NUP133: variants seen among roughly 807,000 people sequenced by gnomAD.
NUP133 encodes the protein nucleoporin 133, also known as nuclear pore complex protein Nup133.
A neutral mutation model predicts 146.2 loss-of-function variants in NUP133; 66 were observed. That is an observed-to-expected ratio of 0.45 (90% CI 0.37 to 0.55). The LOEUF (loss-of-function observed/expected upper bound fraction) is 0.55. Ranked by LOEUF, NUP133 falls within the 20% of genes least tolerant of loss-of-function variation. The pLI, the probability that NUP133 is intolerant of heterozygous loss-of-function variation, is 0.00. For missense variants in NUP133, 1,277 were observed against 1,374.8 expected (o/e 0.93, Z 1.12); for synonymous variants, 521 against 498.8 (o/e 1.04, Z -0.59).
chr1:229,498,371 C>T, intron 5 of NUP133, 65 bp from the exon 6 acceptor site: 3 of 1,129,116 alleles, frequency 2.7e-6, no homozygotes, highest in Non-Finnish European at 3.7e-6. Context: ...ATGAAAAATT[C>T]TTTGATACAG....
chr1:229,480,630 A>T (rs576333934), intron 12 of NUP133, among the ~76,000 whole-genome samples: 1 of 152,324 alleles, frequency 6.6e-6, no homozygotes, highest in East Asian at 1.9e-4. Flanking sequence ...CCATCTGGCA[A>T]TGTCTGACGA....
chr1:229,499,520 T>G (rs3738185), intron 5 of NUP133, among the ~76,000 whole-genome samples, 164 bp downstream of exon 5: 23,808 of 152,208 alleles, frequency 0.16, 2,388 homozygotes, highest in Middle Eastern at 0.24. Context: ...GTAATCCCAG[T>G]ACTTTGGGAA....
chr1:229,465,552 A>T (rs1487094166), intron 16 of NUP133, 33 bp from the exon 17 acceptor site: 1 of 1,401,620 alleles, frequency 7.1e-7, no homozygotes, highest in Non-Finnish European at 1.0e-6. Flanking sequence ...ATCACATGCA[A>T]AAGGTGATGG....
At chr1:229,444,405 C>G (rs1186101074) in intron 25 of NUP133, among the ~76,000 whole-genome samples, 1 of 152,018 alleles carries the variant, frequency 6.6e-6, no homozygotes, top group African/African-American at 2.4e-5. Flanking sequence ...TGTTTTTCAC[C>G]TGTTTTATAA....
At chr1:229,486,624 A>G (rs981160315) in intron 10 of NUP133, 96 bp from the exon 11 acceptor site, 1 of 1,176,832 alleles carries the variant, frequency 8.5e-7, no homozygotes, top group Admixed American at 2.8e-5. Context: ...TCTTGATGAT[A>G]TATTAAGCAC....
chr1:229,451,346 C>T (rs1394004333), intron 22 of NUP133, among the ~76,000 whole-genome samples: 1 of 152,048 alleles, frequency 6.6e-6, no homozygotes, highest in African/African-American at 2.4e-5. Flanking sequence ...CTGCAGTGAG[C>T]TGTGACAGGG....
Position 229,470,789 on chromosome 1 carries a change from G to T in NUP133, c.1867C>A (p.Arg623Ser). The change falls in exon 15 of 26, where the codon CGT becomes AGT. Residue 623 changes from arginine (R) to serine (S), a missense_variant. Transcript: ENST00000261396. Reference sequence around the variant, plus strand: ...CCTCTAACTGGAAAACTGCCTAGACGTCCAAATAAGCCAACCTTGCAAAAA... The same window carrying T: ...CCTCTAACTGGAAAACTGCCTAGACTTCCAAATAAGCCAACCTTGCAAAAA... ...DFIHQVGLFG[R>S]LGSFPVRGTP... 2 of 1,613,810 alleles carry T rather than the reference G, an allele frequency of 1.2e-6. No homozygotes were observed. The highest frequency in any genetic ancestry group is 1.7e-6 in the Non-Finnish European group (2 of 1,179,920).
At chr1:229,443,977 G>T (rs919485056) in intron 25 of NUP133, among the ~76,000 whole-genome samples, 1 of 146,430 alleles carries the variant, frequency 6.8e-6, no homozygotes, top group Non-Finnish European at 1.5e-5. Flanking sequence ...CTGGGCTCAA[G>T]TGATTCTCCC....
At chr1:229,468,277 C>A (rs1272076739) in intron 15 of NUP133, among the ~76,000 whole-genome samples, 1 of 152,140 alleles carries the variant, frequency 6.6e-6, no homozygotes, top group Non-Finnish European at 1.5e-5. Context: ...TCCCAAAACA[C>A]AAATACTCCT....
intron 12 of NUP133, among the ~76,000 whole-genome samples, chr1:229,483,460 T>C (rs1399146292): frequency 2.0e-5 from 3 of 151,972 alleles, no homozygotes; most frequent in Non-Finnish European, 4.4e-5. Context: ...GGCTCACGCC[T>C]GTAATCCCAG....
At chr1:229,505,564 T>TAGA (rs765247187) in intron 2 of NUP133, among the ~76,000 whole-genome samples, 5 of 63,218 alleles carry the variant, frequency 7.9e-5, no homozygotes, top group Non-Finnish European at 1.2e-4. Context: ...CAATTACAGT[T>TAGA]AAAAAAAAAA....
chr1:229,441,681 G>A lies in NUP133; in HGVS notation c.*223C>T. ...GTAAAAAGAAAGGGCACCGAGTACA[G>A]GAACAACAACTGACACATTTCAGGT... On this transcript the variant is annotated 3_prime_UTR_variant, in exon 26 of 26. Coordinates refer to ENST00000261396, the MANE Select transcript of NUP133 (RefSeq NM_018230.3). The A allele has an allele frequency of 4.6e-6, 2 of 437,946 alleles. No individual in the cohort carries two copies. The highest frequency in any genetic ancestry group is 2.7e-5 in the South Asian group (1 of 36,806). 27.1% of individuals were successfully genotyped at this position (437,946 alleles called of 1,614,324 possible).
At chr1:229,481,346 A>G (rs1661207433) in intron 12 of NUP133, among the ~76,000 whole-genome samples, 1 of 152,192 alleles carries the variant, frequency 6.6e-6, no homozygotes. Flanking sequence ...TTATTTGGAA[A>G]TAAGGTTTTT....
chr1:229,465,210 C>T (rs1660785219), intron 17 of NUP133, among the ~76,000 whole-genome samples: 1 of 152,144 alleles, frequency 6.6e-6, no homozygotes, highest in South Asian at 2.1e-4. Flanking sequence ...CTAGTAAATG[C>T]ATAAGTACCA....
At chr1:229,446,994 C>T (rs1312855730) in intron 24 of NUP133, among the ~76,000 whole-genome samples, 1 of 151,932 alleles carries the variant, frequency 6.6e-6, no homozygotes, top group African/African-American at 2.4e-5. Flanking sequence ...CGTGGTGGTA[C>T]ACGCCTGCAA....
intron 2 of NUP133, 66 bp from the exon 3 acceptor site, chr1:229,502,168 C>CA (rs540944228): frequency 7.5e-5 from 89 of 1,192,288 alleles, no homozygotes; most frequent in African/African-American, 4.9e-4. Context: ...CACGCTTTAT[C>CA]AAAAAAAAGT....
intron 8 of NUP133, among the ~76,000 whole-genome samples, chr1:229,494,598 A>G (rs1028056621): frequency 6.6e-6 from 1 of 152,264 alleles, no homozygotes; most frequent in Non-Finnish European, 1.5e-5. Context: ...CTTGAGCATT[A>G]AAGTTAAATA....
At chr1:229,483,297 G>T (rs959251380) in intron 12 of NUP133, among the ~76,000 whole-genome samples, 12 of 152,056 alleles carry the variant, frequency 7.9e-5, no homozygotes, top group South Asian at 4.2e-4. Flanking sequence ...TAGAGATGAG[G>T]TCTATGTTGT....
chr1:229,498,456 T>A (rs1468019492), intron 5 of NUP133, 150 bp from the exon 6 acceptor site: 1 of 573,026 alleles, frequency 1.7e-6, no homozygotes, highest in African/African-American at 2.0e-5. Context: ...AAGTAATATA[T>A]TTCAGAATCC....
Sources: allele counts gnomAD v4.1 joint callset (sites outside exome capture counted in the v4.1 genomes callset), GRCh38; gene constraint gnomAD v4.1.1; transcripts MANE v1.5; gene names NCBI Gene and HGNC (gene_info 2026-07-23, HGNC 2026-07-21).